The following SLC35F4 variants were observed in gnomAD, a reference collection of about 807,000 sequenced individuals.
The protein encoded by SLC35F4 is chromosome 14 open reading frame 36.
A neutral mutation model predicts 44.2 loss-of-function variants in SLC35F4; 24 were observed. The observed-to-expected ratio is 0.54, with a 90% CI of 0.39 to 0.76. The LOEUF (loss-of-function observed/expected upper bound fraction) is 0.76. SLC35F4 is among the 30% of genes least tolerant of loss of function. SLC35F4 has a pLI of 0.00. For missense variants in SLC35F4, 562 were observed against 586.1 expected (o/e 0.96, Z 0.42); for synonymous variants, 238 against 223.6 (o/e 1.06, Z -0.57).
chr14:57,588,401 A>G (rs1207212074), intron 3 of SLC35F4, among the ~76,000 whole-genome samples: 1 of 151,290 alleles, frequency 6.6e-6, no homozygotes, highest in Non-Finnish European at 1.5e-5. Flanking sequence ...CCTAGAAGTC[A>G]CTTCTCAGCA....
chr14:57,861,987 C>T (rs1887718555), intron 1 of SLC35F4, among the ~76,000 whole-genome samples: 1 of 152,160 alleles, frequency 6.6e-6, no homozygotes, highest in South Asian at 2.1e-4. Context: ...TCCAATCAGA[C>T]ATCTACTCTG....
At chr14:57,958,470 G>T (rs989735958) in intron 1 of SLC35F4, among the ~76,000 whole-genome samples, 3 of 152,114 alleles carry the variant, frequency 2.0e-5, no homozygotes, top group African/African-American at 7.2e-5. Context: ...GAGATGCAAA[G>T]TAGATTAGTG....
chr14:57,631,000 T>C (rs2072743911), intron 1 of SLC35F4: 3 of 260,794 alleles, frequency 1.2e-5, no homozygotes, highest in Non-Finnish European at 1.8e-5. Flanking sequence ...CATTCTTTTA[T>C]TAAAAATAAA....
intron 1 of SLC35F4, among the ~76,000 whole-genome samples, chr14:57,615,770 G>A (rs1011329084): frequency 6.8e-6 from 1 of 148,014 alleles, no homozygotes; most frequent in Non-Finnish European, 1.5e-5. Flanking sequence ...GGCACCCAAT[G>A]TGAAATTGAT....
At chr14:57,690,917 C>G (rs1360195420) in intron 1 of SLC35F4, among the ~76,000 whole-genome samples, 2 of 152,080 alleles carry the variant, frequency 1.3e-5, no homozygotes, top group African/African-American at 4.8e-5. Context: ...CTTGCTTGCC[C>G]GCTGCTCACC....
chr14:57,851,370 T>C (rs944078136), intron 1 of SLC35F4, among the ~76,000 whole-genome samples: 2 of 152,210 alleles, frequency 1.3e-5, no homozygotes, highest in Non-Finnish European at 2.9e-5. Context: ...ATGAAAATGT[T>C]TGGTGTATAT....
At chr14:57,915,583 G>A (rs945530263) in intron 1 of SLC35F4, among the ~76,000 whole-genome samples, 8 of 152,128 alleles carry the variant, frequency 5.3e-5, no homozygotes, top group African/African-American at 1.9e-4. Flanking sequence ...ACTTCCACCC[G>A]ATATACTATT....
At chr14:57,944,691 AAAGAAAAGAAAGAAAGAAAG>A (rs1889978858) in intron 1 of SLC35F4, among the ~76,000 whole-genome samples, 1 of 102,338 alleles carries the variant, frequency 9.8e-6, no homozygotes, top group East Asian at 2.5e-4. Context: ...GAAAAGAAAG[AAAGAAAAGAAAGAAAGAAAG>A]AAAGAAAGAA....
intron 2 of SLC35F4, among the ~76,000 whole-genome samples, chr14:57,590,991 C>G (rs1021047474): frequency 6.6e-6 from 1 of 152,196 alleles, no homozygotes; most frequent in Non-Finnish European, 1.5e-5. Context: ...AGTGAATTCT[C>G]CACTGGGGAA....
At chr14:57,867,093 C>T (rs1888188283), upstream of SLC35F4, among the ~76,000 whole-genome samples, 1 of 151,640 alleles carries the variant, frequency 6.6e-6, no homozygotes, top group South Asian at 2.1e-4. Context: ...AATTTAGGTC[C>T]ACCTTCCGTG....
At chr14:57,573,489 G>A (rs79118052) in intron 4 of SLC35F4, among the ~76,000 whole-genome samples, 7,252 of 152,136 alleles carry the variant, frequency 0.048, 487 homozygotes, top group African/African-American at 0.15. Context: ...AAACTATAAG[G>A]AATAGAATTT....
intron 1 of SLC35F4, among the ~76,000 whole-genome samples, chr14:57,920,622 T>G (rs1010467044): frequency 6.6e-6 from 1 of 152,226 alleles, no homozygotes; most frequent in Non-Finnish European, 1.5e-5. Context: ...CACATGGGAT[T>G]GGAAGCCTTT....
rs753712917 is a variant in SLC35F4, at chr14:57,593,923, G to T, written c.289+16C>A. On this transcript the variant is annotated intron_variant, in intron 2 of 7. Transcript: ENST00000556826. ...ACTAGGATGTACCGTTATTTAAGAG[G>T]AGGTCACCCACATACCTGATCTGTT... 6.2e-7 allele frequency: 1 copy of T among 1,611,604 alleles called. No homozygotes were observed. Among genetic ancestry groups the T allele is most frequent in the Non-Finnish European group, 8.5e-7 (1 of 1,179,040 alleles).
chr14:57,684,713 A>C (rs2075018017), intron 1 of SLC35F4, among the ~76,000 whole-genome samples: 1 of 152,136 alleles, frequency 6.6e-6, no homozygotes, highest in South Asian at 2.1e-4. Flanking sequence ...ATTAAAATGC[A>C]TCTGTGGGTT....
intron 1 of SLC35F4, among the ~76,000 whole-genome samples, chr14:57,860,767 T>C (rs1191861918): frequency 6.6e-6 from 1 of 152,188 alleles, no homozygotes; most frequent in African/African-American, 2.4e-5. Context: ...ACCTCCTACC[T>C]TTCCAGCTAA....
chr14:57,708,757 C>T (rs2075741019), intron 1 of SLC35F4, among the ~76,000 whole-genome samples: 1 of 152,030 alleles, frequency 6.6e-6, no homozygotes, highest in South Asian at 2.1e-4. Flanking sequence ...CAGTAGTGGT[C>T]CCGAATGCCA....
At chr14:57,809,877 G>T (rs1326894062) in intron 1 of SLC35F4, among the ~76,000 whole-genome samples, 1 of 152,126 alleles carries the variant, frequency 6.6e-6, no homozygotes, top group African/African-American at 2.4e-5. Flanking sequence ...TTCTCTTTCT[G>T]CCAATCCTTC....
chr14:57,574,781 G>A (rs1194880272), intron 4 of SLC35F4, among the ~76,000 whole-genome samples: 1 of 152,072 alleles, frequency 6.6e-6, no homozygotes, highest in Non-Finnish European at 1.5e-5. Flanking sequence ...GGCACCACTG[G>A]TTTAACTTTA....
intron 1 of SLC35F4, among the ~76,000 whole-genome samples, chr14:57,721,910 A>T (rs1349947098): frequency 2.6e-5 from 4 of 151,984 alleles, no homozygotes; most frequent in Non-Finnish European, 4.4e-5. Flanking sequence ...GGCAGTTGCC[A>T]GGCAAGATAA....
Sources: gnomAD v4.1 joint callset for allele counts (sites outside exome capture counted in the v4.1 genomes callset) on GRCh38, gnomAD v4.1.1 for gene constraint, MANE v1.5 for transcripts, NCBI Gene and HGNC (gene_info 2026-07-23, HGNC 2026-07-21) for gene names.